MTHFD1L: variants seen among roughly 807,000 people sequenced by gnomAD.
MTHFD1L encodes methylenetetrahydrofolate dehydrogenase (NADP+ dependent) 1 like.
Under a neutral mutation model 119.5 loss-of-function variants are expected in MTHFD1L, and 81 were observed. The observed-to-expected ratio is 0.68, with a 90% CI of 0.57 to 0.82. The LOEUF is 0.82. Among genes scored for constraint, MTHFD1L ranks in the 40% least tolerant of loss-of-function variants. MTHFD1L has a pLI of 0.00. For missense variants in MTHFD1L, 1,125 were observed against 1,253.4 expected, an observed-to-expected ratio of 0.90 and a Z score of 1.55; for synonymous variants, 430 against 475.2, an observed-to-expected ratio of 0.90 and a Z score of 1.24.
chr6:151,037,700 A>T (rs940946854), intron 26 of MTHFD1L, among the ~76,000 whole-genome samples: 10 of 152,170 alleles, frequency 6.6e-5, no homozygotes, highest in African/African-American at 2.4e-4. Flanking sequence ...GGTAAAGGAG[A>T]TGGGCAGATA....
chr6:150,898,752 C>G, intron 7 of MTHFD1L: 1 of 296,066 alleles, frequency 3.4e-6, no homozygotes, highest in South Asian at 3.1e-5. Context: ...TTCCTGTTAC[C>G]ACCCCCCATC....
chr6:151,046,987 A>G (rs781036441), intron 26 of MTHFD1L, among the ~76,000 whole-genome samples: 2 of 152,236 alleles, frequency 1.3e-5, no homozygotes, highest in Non-Finnish European at 2.9e-5. Context: ...GGAGAAATAT[A>G]ACGGATAATA....
intron 17 of MTHFD1L, among the ~76,000 whole-genome samples, chr6:150,959,856 A>C (rs1400574133): frequency 2.0e-5 from 3 of 152,216 alleles, no homozygotes; most frequent in African/African-American, 7.2e-5. Flanking sequence ...GGGATTCAGA[A>C]GTGAACCTGC....
At chr6:151,000,347 A>G (rs190432768) in intron 20 of MTHFD1L, among the ~76,000 whole-genome samples, 3 of 151,940 alleles carry the variant, frequency 2.0e-5, no homozygotes, top group East Asian at 1.9e-4. Context: ...AAAAAAAAAA[A>G]AAAAAGAAAA....
intron 21 of MTHFD1L, among the ~76,000 whole-genome samples, chr6:151,012,349 G>T (rs9322297): frequency 6.6e-6 from 1 of 151,686 alleles, no homozygotes; most frequent in Non-Finnish European, 1.5e-5. Context: ...CTGTATTTTT[G>T]AACCATGATT....
At chr6:150,908,956 G>A (rs114858875) in intron 8 of MTHFD1L, among the ~76,000 whole-genome samples, 2,493 of 152,160 alleles carry the variant, frequency 0.016, 62 homozygotes, top group African/African-American at 0.056. Context: ...ACTTGTGGCT[G>A]GGTGAAGACA....
At chr6:151,049,343 T>A (rs531324562) in intron 26 of MTHFD1L, among the ~76,000 whole-genome samples, 38 of 152,180 alleles carry the variant, frequency 2.5e-4, no homozygotes, top group Middle Eastern at 3.4e-3. Context: ...TACAAAAAAA[T>A]TAGCCAGGTG....
intron 5 of MTHFD1L, among the ~76,000 whole-genome samples, chr6:150,884,199 T>C (rs1240310002): frequency 1.3e-5 from 2 of 149,756 alleles, no homozygotes; most frequent in Admixed American, 1.3e-4. Flanking sequence ...TGGAGTGCAG[T>C]GACACGATCT....
At chr6:150,997,770 C>CA (rs888006472) in intron 20 of MTHFD1L, among the ~76,000 whole-genome samples, 1 of 152,004 alleles carries the variant, frequency 6.6e-6, no homozygotes, top group Non-Finnish European at 1.5e-5. Context: ...CAGCCTGTCT[C>CA]AAAAAACAAA....
At chr6:150,920,124 C>A (rs1480380274) in intron 9 of MTHFD1L, among the ~76,000 whole-genome samples, 1 of 152,202 alleles carries the variant, frequency 6.6e-6, no homozygotes, top group Non-Finnish European at 1.5e-5. Context: ...GGGAGGCAAC[C>A]AGGAGGAGTC....
At chr6:150,975,988 A>T (rs1332614497) in intron 20 of MTHFD1L, among the ~76,000 whole-genome samples, 1 of 152,214 alleles carries the variant, frequency 6.6e-6, no homozygotes, top group African/African-American at 2.4e-5. Context: ...ACCTGAGGTC[A>T]GGTGTTCAAA....
intron 20 of MTHFD1L, among the ~76,000 whole-genome samples, chr6:151,007,084 C>T (rs536570274): frequency 7.9e-5 from 12 of 152,024 alleles, no homozygotes; most frequent in Non-Finnish European, 1.5e-4. Context: ...TCTTCCCTGG[C>T]TCTGCCTTTA....
chr6:150,945,259 C>T (rs1793732703), intron 14 of MTHFD1L, among the ~76,000 whole-genome samples: 1 of 152,190 alleles, frequency 6.6e-6, no homozygotes, highest in Admixed American at 6.5e-5. Context: ...AAACTCTTTG[C>T]AATGTGTATT....
chr6:151,054,778 G>A (rs1789623413), intron 26 of MTHFD1L: 1 of 152,046 alleles, frequency 6.6e-6, no homozygotes, highest in East Asian at 1.9e-4. Flanking sequence ...GGTAGTTTCG[G>A]GACCAGAATG....
rs1170267495 is a variant in MTHFD1L, at chr6:150,865,792, C to A, written c.-31C>A. On this transcript the variant is annotated 5_prime_UTR_variant, in exon 1 of 28. Coordinates refer to ENST00000367321, the MANE Select transcript of MTHFD1L (RefSeq NM_015440.5). ...CCGCCGCCCTCGGCAGCCGCAGCTC[C>A]GTGTCCCCTGAGAACCAGCCGTCCC... The A allele has an allele frequency of 2.2e-5, 29 of 1,291,208 alleles. No homozygotes were observed. The highest frequency in any genetic ancestry group is 3.3e-5 in the Admixed American group (1 of 30,370). The allele number at this position is 1,291,208 out of a possible 1,614,324, so 80.0% of individuals were successfully genotyped here. A position where few individuals can be genotyped will look rare whatever the true frequency, so the allele number is the denominator to read the frequency against.
intron 1 of MTHFD1L, among the ~76,000 whole-genome samples, chr6:150,868,932 G>A (rs747453405): frequency 7.9e-5 from 12 of 152,080 alleles, no homozygotes; most frequent in Admixed American, 3.9e-4. Context: ...GGCGTGGCGC[G>A]TGCCTGTAGT....
At chr6:151,002,251 C>G (rs1780722101) in intron 20 of MTHFD1L, among the ~76,000 whole-genome samples, 2 of 152,234 alleles carry the variant, frequency 1.3e-5, no homozygotes, top group South Asian at 4.1e-4. Context: ...GGTTTTAGTC[C>G]AAGCTCTATC....
chr6:150,874,566 G>A (rs1404086716), intron 1 of MTHFD1L, among the ~76,000 whole-genome samples: 1 of 152,242 alleles, frequency 6.6e-6, no homozygotes, highest in Non-Finnish European at 1.5e-5. Flanking sequence ...CCCTGTCGGA[G>A]ACTGAAAACA....
intron 13 of MTHFD1L, among the ~76,000 whole-genome samples, chr6:150,939,045 A>G (rs1792619753): frequency 1.3e-5 from 2 of 152,170 alleles, no homozygotes. Flanking sequence ...GTGTTTTACA[A>G]ATAAACTACA....
Sources: allele counts gnomAD v4.1 joint callset (sites outside exome capture counted in the v4.1 genomes callset), GRCh38; gene constraint gnomAD v4.1.1; transcripts MANE v1.5; gene names NCBI Gene and HGNC (gene_info 2026-07-23, HGNC 2026-07-21).